The following PDSS2 variants were observed in gnomAD, a reference collection of about 807,000 sequenced individuals.
PDSS2 encodes all trans-polyprenyl-diphosphate synthase PDSS2.
In PDSS2, 31 loss-of-function variants were observed where a neutral mutation model predicts 44.5. That is an observed-to-expected ratio of 0.70 (90% CI 0.52 to 0.94). The LOEUF is 0.94. Ranked by LOEUF, PDSS2 falls within the 40% of genes least tolerant of loss-of-function variation. The pLI, the probability that PDSS2 is intolerant of heterozygous loss-of-function variation, is 0.00. For synonymous variants in PDSS2, 157 were observed against 180.3 expected, an observed-to-expected ratio of 0.87 and a Z score of 1.03; for missense variants, 452 against 482.2, an observed-to-expected ratio of 0.94 and a Z score of 0.59.
At chr6:107,337,788 C>A (rs1016374502) in intron 1 of PDSS2, among the ~76,000 whole-genome samples, 1 of 152,134 alleles carries the variant, frequency 6.6e-6, no homozygotes, top group Non-Finnish European at 1.5e-5. Flanking sequence ...TTTTCTACCT[C>A]CTCAAATAAC....
chr6:107,225,141 A>G lies in PDSS2; in HGVS notation c.703-12859T>C, dbSNP rs1337989712. On this transcript the variant is annotated intron_variant, in intron 4 of 7. Coordinates refer to ENST00000369037, the MANE Select transcript of PDSS2 (RefSeq NM_020381.4). Reference sequence around the variant, plus strand: ...AGCTTCACTATATATATATTTTTATATATATATATATATATATATATTTTT... The same window carrying G: ...AGCTTCACTATATATATATTTTTATGTATATATATATATATATATATTTTT... Among the ~76,000 whole-genome samples, 3 of 39,468 alleles carry G rather than the reference A, an allele frequency of 7.6e-5. 1 individual carries two copies. The East Asian group carries it at 1.7e-3, about 23-fold the overall frequency. 25.9% of individuals were successfully genotyped at this position (39,468 alleles called of 152,430 possible).
chr6:107,334,800 A>G lies in PDSS2; in HGVS notation c.297-468T>C, dbSNP rs1777830603. ...TGGACACAAGCAATCTTTCTGCCTT[A>G]GCCTCCCAAAGTGCTGGGATTACAG... is the stretch of plus-strand genomic sequence containing the variant. On this transcript the variant is annotated intron_variant, in intron 1 of 7. Transcript: ENST00000369037. Among the ~76,000 whole-genome samples, 4 of 151,568 alleles carry G rather than the reference A, an allele frequency of 2.6e-5. No homozygotes were observed. The South Asian group carries it at 8.4e-4, about 32-fold the overall frequency.
intron 6 of PDSS2, among the ~76,000 whole-genome samples, chr6:107,196,469 T>C (rs1254956134): frequency 6.6e-6 from 1 of 152,240 alleles, no homozygotes; most frequent in East Asian, 1.9e-4. Context: ...TTAATGGACA[T>C]CTGACATTGA....
chr6:107,384,829 CTGA>C (rs1249629731), intron 1 of PDSS2, among the ~76,000 whole-genome samples: 1 of 152,112 alleles, frequency 6.6e-6, no homozygotes, highest in Non-Finnish European at 1.5e-5. Context: ...TTCCGTCTGA[CTGA>C]TGCAAAATTC....
At chr6:107,402,479 C>CATATATATACTTATATATATTTATACAT in intron 1 of PDSS2, among the ~76,000 whole-genome samples, 1 of 43,388 alleles carries the variant, frequency 2.3e-5, no homozygotes, top group South Asian at 1.7e-3. Flanking sequence ...TATATGTATA[C>CATATATATACTTATATATATTTATACAT]ATATATACGT....
At chr6:107,368,800 A>G (rs1351715305) in intron 1 of PDSS2, among the ~76,000 whole-genome samples, 2 of 152,112 alleles carry the variant, frequency 1.3e-5, no homozygotes. Context: ...CCCTCTCTCA[A>G]AAAAAGAAAT....
At chr6:107,400,359 AG>A (rs1365656357) in intron 1 of PDSS2, among the ~76,000 whole-genome samples, 1 of 152,110 alleles carries the variant, frequency 6.6e-6, no homozygotes, top group African/African-American at 2.4e-5. Flanking sequence ...TCAAGCGGGG[AG>A]GACACCCCAC....
At chr6:107,333,499 G>A (rs928620768) in intron 2 of PDSS2, among the ~76,000 whole-genome samples, 1 of 152,020 alleles carries the variant, frequency 6.6e-6, no homozygotes, top group Admixed American at 6.6e-5. Context: ...CTCTTAAAAT[G>A]ACAGTAGCAT....
intron 2 of PDSS2, among the ~76,000 whole-genome samples, chr6:107,281,364 CTGTT>C (rs1775953700): frequency 1.3e-5 from 2 of 152,302 alleles, no homozygotes; most frequent in African/African-American, 4.8e-5. Flanking sequence ...TTTCAAGTCA[CTGTT>C]TGTTAGAGTC....
At chr6:107,446,287 G>A (rs1422027808) in intron 1 of PDSS2, among the ~76,000 whole-genome samples, 2 of 151,768 alleles carry the variant, frequency 1.3e-5, no homozygotes, top group Non-Finnish European at 2.9e-5. Flanking sequence ...CTGCACTCCA[G>A]CCTGGCAACG....
intron 2 of PDSS2, among the ~76,000 whole-genome samples, chr6:107,326,270 AT>A (rs900511720): frequency 1.5e-4 from 22 of 150,006 alleles, no homozygotes; most frequent in Admixed American, 6.6e-4. Flanking sequence ...TGCCTGGCTA[AT>A]TTTTTTTTCT....
intron 4 of PDSS2, among the ~76,000 whole-genome samples, chr6:107,216,945 G>C (rs981063996): frequency 9.9e-5 from 15 of 152,022 alleles, no homozygotes; most frequent in African/African-American, 3.6e-4. Context: ...CTATATATAG[G>C]GATTTGCTAT....
At chr6:107,295,665 T>C (rs1016275498) in intron 2 of PDSS2, among the ~76,000 whole-genome samples, 4 of 152,196 alleles carry the variant, frequency 2.6e-5, no homozygotes, top group African/African-American at 9.7e-5. Flanking sequence ...CAGTGTGACC[T>C]GTGAATCCAT....
chr6:107,231,836 C>T (rs1001366610), intron 4 of PDSS2, among the ~76,000 whole-genome samples: 1 of 152,030 alleles, frequency 6.6e-6, no homozygotes, highest in African/African-American at 2.4e-5. Context: ...GTGGTGCGCA[C>T]CTGTAATCCC....
At chr6:107,358,013 C>A (rs1350401632) in intron 1 of PDSS2, among the ~76,000 whole-genome samples, 1 of 152,140 alleles carries the variant, frequency 6.6e-6, no homozygotes, top group Non-Finnish European at 1.5e-5. Flanking sequence ...CATCCCTAAT[C>A]TGAAAATTCA....
At chr6:107,395,498 A>G (rs1442577200) in intron 1 of PDSS2, among the ~76,000 whole-genome samples, 1 of 152,076 alleles carries the variant, frequency 6.6e-6, no homozygotes, top group Non-Finnish European at 1.5e-5. Context: ...CTGCATAGTA[A>G]TTTTTAATAT....
At chr6:107,206,347 C>T (rs1772977342) in intron 6 of PDSS2, among the ~76,000 whole-genome samples, 1 of 152,198 alleles carries the variant, frequency 6.6e-6, no homozygotes, top group African/African-American at 2.4e-5. Context: ...GCTGGGATTA[C>T]AGGTGTGAGC....
chr6:107,367,654 C>T (rs1051538565), intron 1 of PDSS2, among the ~76,000 whole-genome samples: 21 of 151,934 alleles, frequency 1.4e-4, no homozygotes, highest in African/African-American at 4.8e-4. Context: ...GGTGCGGTGG[C>T]GGGCAAGTGT....
At chr6:107,220,428 A>G (rs941311531) in intron 4 of PDSS2, among the ~76,000 whole-genome samples, 6 of 152,102 alleles carry the variant, frequency 3.9e-5, no homozygotes, top group African/African-American at 1.4e-4. Flanking sequence ...CTGCAAAGCA[A>G]TATAGATATG....
Sources: allele counts gnomAD v4.1 joint callset (sites outside exome capture counted in the v4.1 genomes callset), GRCh38; gene constraint gnomAD v4.1.1; transcripts MANE v1.5; gene names NCBI Gene and HGNC (gene_info 2026-07-23, HGNC 2026-07-21).